Variants in PRKG1 observed in about 807,000 individuals in gnomAD.
The protein encoded by PRKG1 is protein kinase cGMP-dependent 1, also known as cGMP-dependent protein kinase 1.
Under a neutral mutation model 88.1 loss-of-function variants are expected in PRKG1, and 35 were observed. That is an observed-to-expected ratio of 0.40 (90% CI 0.30 to 0.53). The LOEUF (loss-of-function observed/expected upper bound fraction) is 0.53, where lower values mean the gene tolerates loss of function less well. Among genes scored for constraint, PRKG1 ranks in the 20% least tolerant of loss-of-function variants. The pLI, the probability that PRKG1 is intolerant of heterozygous loss-of-function variation, is 0.59. For synonymous variants in PRKG1, 303 were observed against 292.5 expected, an observed-to-expected ratio of 1.04 and a Z score of -0.37; for missense variants, 540 against 839.8, an observed-to-expected ratio of 0.64 and a Z score of 4.41.
intron 1 of PRKG1, among the ~76,000 whole-genome samples, chr10:51,067,367 T>G (rs934292125): frequency 6.6e-6 from 1 of 151,910 alleles, no homozygotes; most frequent in African/African-American, 2.4e-5. Flanking sequence ...CACTGTTATC[T>G]TAGGTAAGTT....
intron 3 of PRKG1, among the ~76,000 whole-genome samples, chr10:51,581,894 A>G (rs542911378): frequency 3.3e-5 from 5 of 152,138 alleles, no homozygotes; most frequent in South Asian, 2.1e-4. Context: ...TACTCTACCT[A>G]GTTCATCTTA....
At position 51,949,345 on chromosome 10, in the gene PRKG1, G is replaced by C. The variant is rs1843130583; in HGVS notation, c.762+41775G>C. Among the ~76,000 whole-genome samples, 5 of 152,212 alleles carry C rather than the reference G, an allele frequency of 3.3e-5. No homozygotes were observed. In the South Asian group the frequency reaches 1.0e-3, roughly 32 times the overall value. On this transcript the variant is annotated intron_variant, in intron 5 of 17. Coordinates refer to ENST00000373980, the MANE Select transcript of PRKG1 (RefSeq NM_006258.4). Reference sequence around the variant, plus strand: ...AATTTGGTTTAGGCTGGACACAGTAGCTCACATCTATAATCCCGGCACTTT... The same window carrying C: ...AATTTGGTTTAGGCTGGACACAGTACCTCACATCTATAATCCCGGCACTTT...
intron 4 of PRKG1, among the ~76,000 whole-genome samples, chr10:51,851,782 G>T (rs1446246654): frequency 1.3e-5 from 2 of 152,162 alleles, no homozygotes; most frequent in Non-Finnish European, 2.9e-5. Context: ...TGCTGATAAT[G>T]TTCTGGACAC....
intron 9 of PRKG1, among the ~76,000 whole-genome samples, chr10:52,217,351 T>TCTAC (rs1491006191): frequency 6.9e-6 from 1 of 144,006 alleles, no homozygotes; most frequent in Non-Finnish European, 1.5e-5. Flanking sequence ...TATCTATCTA[T>TCTAC]CTATATATAT....
At chr10:51,027,138 C>G (rs912486450) in intron 1 of PRKG1, among the ~76,000 whole-genome samples, 2 of 152,190 alleles carry the variant, frequency 1.3e-5, no homozygotes, top group African/African-American at 4.8e-5. Context: ...ACCAACTGCT[C>G]TGGTGTGGCT....
chr10:51,733,221 C>T (rs1447077977), intron 3 of PRKG1, among the ~76,000 whole-genome samples: 1 of 152,052 alleles, frequency 6.6e-6, no homozygotes, highest in Admixed American at 6.6e-5. Flanking sequence ...AATATATGAA[C>T]TTTAGGGGGA....
chr10:52,054,687 A>G, intron 6 of PRKG1, 126 bp downstream of exon 6: 2 of 715,984 alleles, frequency 2.8e-6, no homozygotes, highest in South Asian at 4.4e-5. Context: ...ACAGAGAGGT[A>G]TTAGAGAATG....
At chr10:51,550,221 A>C (rs1356212661) in intron 3 of PRKG1, among the ~76,000 whole-genome samples, 1 of 152,110 alleles carries the variant, frequency 6.6e-6, no homozygotes, top group Non-Finnish European at 1.5e-5. Flanking sequence ...ATCTCTAACT[A>C]TTTCAACATT....
rs1224071820 is a variant in PRKG1 at position 52,161,869 on chromosome 10, G to A, written c.1002-20G>A. On this transcript the variant is annotated intron_variant, in intron 8 of 17. Coordinates refer to ENST00000373980, the MANE Select transcript of PRKG1 (RefSeq NM_006258.4). Reference sequence around the variant, plus strand: ...ACTATTTTGTAGAAGATTAATCACTGTGCTTTTTTCGTCTGACAGCTCTTT... The same window carrying A: ...ACTATTTTGTAGAAGATTAATCACTATGCTTTTTTCGTCTGACAGCTCTTT... The A allele has an allele frequency of 4.4e-6, 7 of 1,608,778 alleles. No individual in the cohort carries two copies. The highest frequency in any genetic ancestry group is 5.9e-6 in the Non-Finnish European group (7 of 1,176,548).
chr10:51,573,534 C>G (rs1463874845), intron 3 of PRKG1, among the ~76,000 whole-genome samples: 1 of 151,828 alleles, frequency 6.6e-6, no homozygotes, highest in Non-Finnish European at 1.5e-5. Context: ...CAAGAAGAAA[C>G]AATGAGAATC....
At chr10:51,392,220 G>A (rs1837422860) in intron 2 of PRKG1, among the ~76,000 whole-genome samples, 1 of 151,878 alleles carries the variant, frequency 6.6e-6, no homozygotes, top group South Asian at 2.1e-4. Context: ...TGGAGGGAGG[G>A]TCAGCAGATA....
intron 7 of PRKG1, among the ~76,000 whole-genome samples, chr10:52,087,067 A>C (rs1846934854): frequency 6.6e-6 from 1 of 152,112 alleles, no homozygotes. Flanking sequence ...GGATTATAGG[A>C]ACTACAATTC....
chr10:51,997,122 G>C (rs561780742), intron 5 of PRKG1, among the ~76,000 whole-genome samples: 4 of 152,194 alleles, frequency 2.6e-5, no homozygotes, highest in East Asian at 1.9e-4. Flanking sequence ...GGGATGCTTG[G>C]GGGGTAGAGG....
At position 51,968,618 on chromosome 10, in the gene PRKG1, C is replaced by T. The variant is rs565750406; in HGVS notation, c.762+61048C>T. ...CAGGCAGATCACGAGGTCAAGAGTT[C>T]GAGACCAGCCTGACCAATATGGTGA... On this transcript the variant is annotated intron_variant, in intron 5 of 17. Coordinates refer to ENST00000373980, the MANE Select transcript of PRKG1 (RefSeq NM_006258.4). 1.1e-3 allele frequency among the ~76,000 whole-genome samples: 170 copies of T among 151,772 alleles called. 1 individual carries two copies. Among genetic ancestry groups the T allele is most frequent in the African/African-American group, 4.0e-3 (164 of 41,386 alleles).
intron 2 of PRKG1, among the ~76,000 whole-genome samples, chr10:51,161,267 T>C (rs1846354197): frequency 6.6e-6 from 1 of 152,072 alleles, no homozygotes; most frequent in South Asian, 2.1e-4. Flanking sequence ...AGAATGTGTG[T>C]ATATGTACCA....
intron 2 of PRKG1, among the ~76,000 whole-genome samples, chr10:51,445,317 T>G (rs957442434): frequency 6.6e-6 from 1 of 151,932 alleles, no homozygotes; most frequent in Non-Finnish European, 1.5e-5. Flanking sequence ...AGCTTTATCG[T>G]AATCATCACA....
chr10:51,877,767 CA>C (rs1233377421), intron 4 of PRKG1, among the ~76,000 whole-genome samples: 1 of 152,204 alleles, frequency 6.6e-6, no homozygotes, highest in East Asian at 1.9e-4. Context: ...GCTGTTTCCT[CA>C]GGTTATACTC....
At chr10:52,055,663 A>C (rs1846093491) in intron 6 of PRKG1, among the ~76,000 whole-genome samples, 2 of 152,106 alleles carry the variant, frequency 1.3e-5, no homozygotes, top group South Asian at 4.1e-4. Context: ...ATGTTTCTTT[A>C]TTATATATCA....
intron 4 of PRKG1, among the ~76,000 whole-genome samples, chr10:51,827,744 C>T (rs980328808): frequency 1.3e-5 from 2 of 152,036 alleles, no homozygotes; most frequent in African/African-American, 2.4e-5. Context: ...AAAATGCCAT[C>T]TTATAGAACA....
Sources: gnomAD v4.1 joint callset for allele counts (sites outside exome capture counted in the v4.1 genomes callset) on GRCh38, gnomAD v4.1.1 for gene constraint, MANE v1.5 for transcripts, NCBI Gene and HGNC (gene_info 2026-07-23, HGNC 2026-07-21) for gene names.